The following METAP2 variants were observed in gnomAD, a reference collection of about 807,000 sequenced individuals.
METAP2 encodes the protein methionyl aminopeptidase 2.
In METAP2, 25 loss-of-function variants were observed where a neutral mutation model predicts 59.4. The observed-to-expected ratio is 0.42, with a 90% CI of 0.31 to 0.59. The LOEUF (loss-of-function observed/expected upper bound fraction) is 0.59. Among genes scored for constraint, METAP2 ranks in the 20% least tolerant of loss-of-function variants. The probability of loss-of-function intolerance (pLI) is 0.16; values close to 1 mark genes in which losing one functional copy is unlikely to be tolerated. For missense variants in METAP2, 366 were observed against 581.2 expected (o/e 0.63, Z 3.81); for synonymous variants, 214 against 194.1 (o/e 1.10, Z -0.85).
At position 95,474,270 on chromosome 12, in the gene METAP2, G is replaced by C; in HGVS notation, c.91G>C (p.Ala31Pro). Residue 31 changes from alanine to proline, a missense_variant, in exon 1 of 11, where the codon GCT becomes CCT. Physicochemically the swap from Ala to Pro is conservative, Grantham distance 27. This residue lies in a region of METAP2 where 177 missense variants were observed against 180.3 expected (regional missense o/e 0.98). Coordinates refer to ENST00000323666, the MANE Select transcript of METAP2 (RefSeq NM_006838.4). ...DDREEGAAST[A>P]EEAAKKKRRK... is the part of the protein sequence containing the mutation. Reference sequence around the variant, plus strand: ...CAGGGAAGAAGGAGCTGCCTCTACGGCTGAGGAAGCAGCCAAGAAAAAAAG... The same window carrying C: ...CAGGGAAGAAGGAGCTGCCTCTACGCCTGAGGAAGCAGCCAAGAAAAAAAG... The C allele has an allele frequency of 1.9e-6, 3 of 1,614,230 alleles. No individual in the cohort carries two copies. Among genetic ancestry groups the C allele is most frequent in the Non-Finnish European group, 2.5e-6 (3 of 1,180,042 alleles).
At chr12:95,511,703 TTAA>T (rs1194702382) in intron 8 of METAP2, among the ~76,000 whole-genome samples, 189 bp from the exon 9 acceptor site, 1 of 152,200 alleles carries the variant, frequency 6.6e-6, no homozygotes, top group Non-Finnish European at 1.5e-5. Flanking sequence ...ACTTCTAGTA[TTAA>T]TAACACTGCA....
chr12:95,495,019 C>T lies in METAP2; in HGVS notation c.653C>T (p.Ala218Val). 6.2e-7 allele frequency: 1 copy of T among 1,613,662 alleles called. No individual in the cohort carries two copies. The highest frequency in any genetic ancestry group is 8.5e-7 in the Non-Finnish European group (1 of 1,179,652). Reference protein sequence around the residue: ...IKENGLNAGLAFPTGCSLNNC... With the variant: ...IKENGLNAGLVFPTGCSLNNC... The stretch of plus-strand genomic sequence containing the variant: ...GAGAATGGATTAAATGCAGGCCTGG[C>T]ATTTCCTACTGGATGTTCTCTCAAT... The change falls in exon 6 of 11, where the codon GCA (alanine) becomes GTA (valine). Residue 218 changes from alanine (A) to valine (V), a missense_variant. Ala to Val is a moderately conservative substitution (Grantham distance 64, BLOSUM62 0). Transcript: ENST00000323666.
intron 1 of METAP2, 131 bp downstream of exon 1, chr12:95,474,461 C>T: frequency 1.1e-6 from 1 of 929,408 alleles, no homozygotes; most frequent in Non-Finnish European, 1.6e-6. Context: ...GACAGGGTGG[C>T]AAAGCCGGGC....
intron 8 of METAP2, 103 bp from the exon 9 acceptor site, chr12:95,511,792 C>T: frequency 1.5e-6 from 1 of 688,684 alleles, no homozygotes. Flanking sequence ...AAAGCCATAC[C>T]TGGTTTTTGA....
Position 95,485,891 on chromosome 12 carries a change from C to G in METAP2, c.338C>G (p.Thr113Arg). ...TTGTATCTCACAGCAAAAGTTCAAA[C>G]AGACCCTCCCTCAGTTCCAATATGT... ...KKKKRGPKVQ[T>R]DPPSVPICDL... Residue 113 changes from threonine to arginine, a missense_variant, in exon 4 of 11, where the codon ACA (threonine) becomes AGA (arginine). Thr to Arg is a moderately conservative substitution (Grantham distance 71, BLOSUM62 -1). Around this residue, in one of 4 missense-constraint regions of METAP2, gnomAD observed 177 missense variants for 180.3 expected, o/e 0.98. Coordinates refer to ENST00000323666, the MANE Select transcript of METAP2 (RefSeq NM_006838.4). 6.4e-7 allele frequency: 1 copy of G among 1,563,630 alleles called. No homozygotes were observed. The highest frequency in any genetic ancestry group is 8.6e-7 in the Non-Finnish European group (1 of 1,161,180).
rs2076178139 is a variant in METAP2, at chr12:95,484,013, AG to A, written c.325+735del. On this transcript the variant is annotated intron_variant, in intron 3 of 10. Transcript: ENST00000323666. Reference sequence around the variant, plus strand: ...GTAAGTGCCACAACCAAACATCATCAGGTGCCCGAAAATATATTAAGGAGGC... The same window carrying A: ...GTAAGTGCCACAACCAAACATCATCAGTGCCCGAAAATATATTAAGGAGGC... Among the ~76,000 whole-genome samples, 4 of 152,126 alleles carry A rather than the reference AG, an allele frequency of 2.6e-5. No homozygotes were observed. In the South Asian group the frequency reaches 8.3e-4, roughly 32 times the overall value.
chr12:95,498,641 T>G lies in METAP2; in HGVS notation c.867+2543T>G, dbSNP rs1454016905. 2.0e-5 allele frequency among the ~76,000 whole-genome samples: 3 copies of G among 152,210 alleles called. No homozygotes were observed. The East Asian group carries it at 5.8e-4, about 29-fold the overall frequency. The stretch of plus-strand genomic sequence containing the variant: ...AAGTAAGGGTCCACATTCATTCTTT[T>G]GCATGTGAATGTCCAGTTTTCCCAG... On this transcript the variant is annotated intron_variant, in intron 7 of 10. Transcript: ENST00000323666.
intron 2 of METAP2, 24 bp from the exon 3 acceptor site, chr12:95,483,191 T>G (rs914822729): frequency 1.3e-6 from 2 of 1,585,504 alleles, no homozygotes; most frequent in Non-Finnish European, 1.7e-6. Flanking sequence ...TAAATGAACA[T>G]GTACTTGAAA....
chr12:95,481,244 G>C (rs1245291352), intron 2 of METAP2, among the ~76,000 whole-genome samples: 2 of 152,062 alleles, frequency 1.3e-5, no homozygotes, highest in African/African-American at 2.4e-5. Context: ...CCTTGTCTCT[G>C]CAAAAGATTA....
intron 2 of METAP2, among the ~76,000 whole-genome samples, chr12:95,478,850 G>A (rs1341354782): frequency 6.6e-6 from 1 of 152,126 alleles, no homozygotes; most frequent in Non-Finnish European, 1.5e-5. Context: ...AACATTTGAA[G>A]CATTGTGGTA....
intron 4 of METAP2, among the ~76,000 whole-genome samples, chr12:95,492,033 TC>T (rs1325833539): frequency 6.6e-6 from 1 of 152,042 alleles, no homozygotes; most frequent in African/African-American, 2.4e-5. Context: ...ACCTTGAACT[TC>T]TGGGCTCAAA....
rs2076173040 is a variant in METAP2, at chr12:95,483,358, C to G, written c.325+78C>G. On this transcript the variant is annotated intron_variant, in intron 3 of 10. Coordinates refer to ENST00000323666, the MANE Select transcript of METAP2 (RefSeq NM_006838.4). ...GGGTGTGGTGGCTCACACCTGTGAT[C>G]CCAGCTACTCCGGAGGCTGAGGCAG... The G allele has an allele frequency of 4.6e-6, 5 of 1,098,102 alleles. No individual in the cohort carries two copies. In the Admixed American group the frequency reaches 9.9e-5, roughly 22 times the overall value. The allele number at this position is 1,098,102 out of a possible 1,614,324, so 68.0% of individuals were successfully genotyped here. A position where few individuals can be genotyped will look rare whatever the true frequency, so the allele number is the denominator to read the frequency against.
At chr12:95,477,002 GTAGTTACATGA>G (rs2076124776) in intron 2 of METAP2, among the ~76,000 whole-genome samples, 1 of 152,188 alleles carries the variant, frequency 6.6e-6, no homozygotes, top group Non-Finnish European at 1.5e-5. Flanking sequence ...TAGGGAAGTG[GTAGTTACATGA>G]TTTACCCAAA....
chr12:95,477,973 A>G (rs951047518), intron 2 of METAP2, among the ~76,000 whole-genome samples: 1 of 152,234 alleles, frequency 6.6e-6, no homozygotes, highest in Admixed American at 6.5e-5. Context: ...AGATTGCTAT[A>G]GACCCACTGT....
intron 4 of METAP2, among the ~76,000 whole-genome samples, chr12:95,488,206 C>T (rs188333450): frequency 9.2e-5 from 14 of 152,036 alleles, no homozygotes; most frequent in African/African-American, 3.1e-4. Flanking sequence ...ATGTTTAATA[C>T]TTCTGAGTTC....
chr12:95,502,949 ATT>A (rs71307542), intron 7 of METAP2, among the ~76,000 whole-genome samples: 14 of 134,312 alleles, frequency 1.0e-4, no homozygotes, highest in African/African-American at 1.1e-4. Flanking sequence ...TTGTTCATAC[ATT>A]TTTTTTTTTT....
chr12:95,496,873 G>T (rs2076279484), intron 7 of METAP2, among the ~76,000 whole-genome samples: 1 of 132,534 alleles, frequency 7.5e-6, no homozygotes, highest in South Asian at 2.4e-4. Flanking sequence ...TGCCCAGGCT[G>T]GAGTGCAGTG....
chr12:95,505,683 C>T (rs148794673), intron 8 of METAP2, among the ~76,000 whole-genome samples: 4 of 152,020 alleles, frequency 2.6e-5, no homozygotes, highest in African/African-American at 7.2e-5. Context: ...TTAGTAGAGG[C>T]GGGGTTTTGT....
At chr12:95,483,735 T>A (rs895437244) in intron 3 of METAP2, among the ~76,000 whole-genome samples, 2 of 152,156 alleles carry the variant, frequency 1.3e-5, no homozygotes, top group Non-Finnish European at 2.9e-5. Flanking sequence ...TTCTAAAAAT[T>A]TTATGATTTA....
Sources: gnomAD v4.1 joint callset for allele counts (sites outside exome capture counted in the v4.1 genomes callset) on GRCh38, gnomAD v4.1.1 for gene constraint, gnomAD v4.1.1 regional missense constraint, MANE v1.5 for transcripts, NCBI Gene and HGNC (gene_info 2026-07-23, HGNC 2026-07-21) for gene names.